PLXNA4: variants seen among roughly 807,000 people sequenced by gnomAD.
PLXNA4 encodes plexin A4, also known as plexin-A4.
In PLXNA4, 44 loss-of-function variants were observed where a neutral mutation model predicts 191.8. The ratio of observed to expected loss-of-function variants is 0.23; its 90% CI spans 0.18 to 0.29. The LOEUF (loss-of-function observed/expected upper bound fraction) is 0.29. Among genes scored for constraint, PLXNA4 ranks in the 10% least tolerant of loss-of-function variants. PLXNA4 has a pLI of 1.00. For synonymous variants in PLXNA4, 1,082 were observed against 1,009.5 expected (o/e 1.07, Z -1.36); for missense variants, 1,800 against 2,488.8 (o/e 0.72, Z 5.89).
chr7:132,246,802 A>ATCC lies in PLXNA4; in HGVS notation c.1504-5637_1504-5636insGGA, dbSNP rs1554399459. ...CATCATCATCATCATCATCATCATC[A>ATCC]TCATCCTCATCATCATCCTCATCAC... On this transcript the variant is annotated intron_variant, in intron 4 of 31. Transcript: ENST00000321063. Among the ~76,000 whole-genome samples, 344 of 149,942 alleles carry ATCC rather than the reference A, an allele frequency of 2.3e-3. 2 individuals carry two copies. Among genetic ancestry groups the ATCC allele is most frequent in the Non-Finnish European group, 3.5e-3 (237 of 67,642 alleles).
rs116954928 is a variant in PLXNA4 at position 132,393,920 on chromosome 7, G to T, written c.1371+95372C>A. Among the ~76,000 whole-genome samples the T allele has an allele frequency of 4.6e-3, 692 of 151,756 alleles. 3 individuals are homozygous for T. The highest frequency in any genetic ancestry group is 6.1e-3 in the Non-Finnish European group (413 of 67,968). Reference sequence around the variant, plus strand: ...AGGCTTTTCTGCCAACTTACGACAAGACTTATTAGAGATTCCAGGCACAGT... The same window carrying T: ...AGGCTTTTCTGCCAACTTACGACAATACTTATTAGAGATTCCAGGCACAGT... On this transcript the variant is annotated intron_variant, in intron 3 of 31. Transcript: ENST00000321063.
chr7:132,440,051 G>T (rs1174263200), intron 3 of PLXNA4, among the ~76,000 whole-genome samples: 2 of 151,998 alleles, frequency 1.3e-5, no homozygotes, highest in Non-Finnish European at 2.9e-5. Context: ...GTGCCATGCT[G>T]CCATAAAACA....
intron 3 of PLXNA4, among the ~76,000 whole-genome samples, chr7:132,437,834 C>A (rs1199123519): frequency 6.6e-6 from 1 of 152,170 alleles, no homozygotes; most frequent in Non-Finnish European, 1.5e-5. Flanking sequence ...TTGCAGAGGG[C>A]AGCCTGACAA....
chr7:132,304,966 T>TCCAGGCTCATTTGATGCAC (rs1199200994), intron 3 of PLXNA4, among the ~76,000 whole-genome samples: 1 of 152,202 alleles, frequency 6.6e-6, no homozygotes. Context: ...CTCATTCTAA[T>TCCAGGCTCATTTGATGCAC]CCAGGCTCAT....
chr7:132,135,015 C>T (rs1795072565), intron 30 of PLXNA4, among the ~76,000 whole-genome samples: 1 of 152,152 alleles, frequency 6.6e-6, no homozygotes, highest in Non-Finnish European at 1.5e-5. Context: ...TCATTGTAAC[C>T]ATTTCTGGAA....
Position 132,416,889 on chromosome 7 carries a change from C to G in PLXNA4, c.1371+72403G>C, listed in dbSNP as rs974317279. Reference sequence around the variant, plus strand: ...GACTAGTGCCCCATTCTCCCACCCCCATACTGTTCATCACAAACTCACAGT... The same window carrying G: ...GACTAGTGCCCCATTCTCCCACCCCGATACTGTTCATCACAAACTCACAGT... On this transcript the variant is annotated intron_variant, in intron 3 of 31. Transcript: ENST00000321063. 2.6e-5 allele frequency among the ~76,000 whole-genome samples: 4 copies of G among 152,242 alleles called. No individual in the cohort carries two copies. In the East Asian group the frequency reaches 7.7e-4, roughly 29 times the overall value.
chr7:132,561,393 CTCCTCT>C (rs1801048302), intron 1 of PLXNA4, among the ~76,000 whole-genome samples: 1 of 141,944 alleles, frequency 7.0e-6, no homozygotes, highest in Non-Finnish European at 1.5e-5. Context: ...CTTCCTCCTC[CTCCTCT>C]TCCTCCTCCT....
At chr7:132,406,017 A>T (rs1359497866) in intron 3 of PLXNA4, among the ~76,000 whole-genome samples, 1 of 152,226 alleles carries the variant, frequency 6.6e-6, no homozygotes. Flanking sequence ...CCATTTGAGC[A>T]GCAGGGCAGT....
At chr7:132,380,838 G>T (rs941020953) in intron 3 of PLXNA4, among the ~76,000 whole-genome samples, 4 of 152,218 alleles carry the variant, frequency 2.6e-5, no homozygotes, top group African/African-American at 9.6e-5. Flanking sequence ...CAAATTCTCA[G>T]GTGATACTGG....
At chr7:132,221,609 C>G (rs1385013760) in intron 9 of PLXNA4, among the ~76,000 whole-genome samples, 1 of 152,320 alleles carries the variant, frequency 6.6e-6, no homozygotes, top group East Asian at 1.9e-4. Flanking sequence ...CTGTCTGACT[C>G]ACCTCATTCT....
chr7:132,464,366 T>C (rs541976296), intron 3 of PLXNA4, among the ~76,000 whole-genome samples: 1 of 152,240 alleles, frequency 6.6e-6, no homozygotes, highest in East Asian at 1.9e-4. Context: ...AAGGCCCCTG[T>C]GGCATGGCGA....
At chr7:132,435,390 C>G (rs1795431341) in intron 3 of PLXNA4, among the ~76,000 whole-genome samples, 1 of 152,096 alleles carries the variant, frequency 6.6e-6, no homozygotes, top group Non-Finnish European at 1.5e-5. Flanking sequence ...CAGACTGCAG[C>G]CTGTTCTAAT....
chr7:132,160,895 G>A (rs754023219), intron 24 of PLXNA4, among the ~76,000 whole-genome samples: 3 of 151,590 alleles, frequency 2.0e-5, no homozygotes, highest in Non-Finnish European at 2.9e-5. Context: ...GAGCTCAAAT[G>A]CGAACATGCT....
intron 3 of PLXNA4, among the ~76,000 whole-genome samples, chr7:132,347,751 G>A (rs184917110): frequency 6.6e-5 from 10 of 152,152 alleles, no homozygotes; most frequent in Non-Finnish European, 1.2e-4. Flanking sequence ...TAGTGGTAGA[G>A]CCCAGATCTA....
At chr7:132,160,528 T>G (rs561848174) in intron 24 of PLXNA4, among the ~76,000 whole-genome samples, 48 of 152,328 alleles carry the variant, frequency 3.2e-4, no homozygotes, top group African/African-American at 1.1e-3. Context: ...CCGTGTGGGC[T>G]CCTGGGTGGA....
chr7:132,241,800 A>G (rs189418107), intron 4 of PLXNA4, among the ~76,000 whole-genome samples: 1 of 145,440 alleles, frequency 6.9e-6, no homozygotes, highest in Admixed American at 6.8e-5. Context: ...GCTTTCAAAG[A>G]GCATCTGCTG....
At chr7:132,181,900 A>G (rs902631890) in intron 17 of PLXNA4, among the ~76,000 whole-genome samples, 197 bp downstream of exon 17, 1 of 152,156 alleles carries the variant, frequency 6.6e-6, no homozygotes, top group Non-Finnish European at 1.5e-5. Context: ...TTACTCCTCC[A>G]TGTCTATACC....
At chr7:132,213,568 A>G (rs1178446703) in intron 9 of PLXNA4, among the ~76,000 whole-genome samples, 1 of 152,170 alleles carries the variant, frequency 6.6e-6, no homozygotes, top group Non-Finnish European at 1.5e-5. Context: ...GCCCCCCACC[A>G]CAGCCGCTAC....
At chr7:132,141,498 A>G (rs1011684391) in intron 29 of PLXNA4, among the ~76,000 whole-genome samples, 7 of 152,110 alleles carry the variant, frequency 4.6e-5, no homozygotes, top group Admixed American at 2.0e-4. Context: ...GATGAATGAG[A>G]CACATCCTCT....
Sources: allele counts gnomAD v4.1 joint callset (sites outside exome capture counted in the v4.1 genomes callset), GRCh38; gene constraint gnomAD v4.1.1; transcripts MANE v1.5; gene names NCBI Gene and HGNC (gene_info 2026-07-23, HGNC 2026-07-21).